The following RNF220 variants were observed in gnomAD, a reference collection of about 807,000 sequenced individuals.
RNF220 encodes the protein E3 ubiquitin-protein ligase RNF220.
Under a neutral mutation model 67.1 loss-of-function variants are expected in RNF220, and 7 were observed. That is an observed-to-expected ratio of 0.10 (90% CI 0.06 to 0.20). The LOEUF is 0.20. Ranked by LOEUF, RNF220 falls within the 10% of genes least tolerant of loss-of-function variation. RNF220 has a pLI of 1.00. For missense variants in RNF220, 565 were observed against 740.3 expected (o/e 0.76, Z 2.75); for synonymous variants, 270 against 283.2 (o/e 0.95, Z 0.47).
intron 1 of RNF220, among the ~76,000 whole-genome samples, chr1:44,408,173 G>C (rs115158920): frequency 1.3e-5 from 2 of 152,110 alleles, no homozygotes; most frequent in Admixed American, 6.5e-5. Flanking sequence ...TTCCCTAAAA[G>C]AGTTGATTTT....
chr1:44,539,788 A>G (rs1661534678), intron 2 of RNF220, among the ~76,000 whole-genome samples: 1 of 151,842 alleles, frequency 6.6e-6, no homozygotes. Context: ...TTCCCATCCT[A>G]CTCTTTGCTT....
intron 2 of RNF220, among the ~76,000 whole-genome samples, chr1:44,454,845 G>C (rs1465955035): frequency 6.6e-6 from 1 of 151,930 alleles, no homozygotes; most frequent in African/African-American, 2.4e-5. Flanking sequence ...CTTCTCTCCT[G>C]GCATCTTGTT....
chr1:44,627,129 G>A (rs1331233547), intron 5 of RNF220: 2 of 147,730 alleles, frequency 1.4e-5, no homozygotes, highest in Non-Finnish European at 3.0e-5. Flanking sequence ...GGCGGATCAC[G>A]AGGTCAGCAA....
chr1:44,471,779 G>A (rs11211005), intron 2 of RNF220, among the ~76,000 whole-genome samples: 32,547 of 151,902 alleles, frequency 0.21, 3,897 homozygotes, highest in East Asian at 0.49. Flanking sequence ...AGCCGAGATC[G>A]CACCATTGCA....
intron 12 of RNF220, among the ~76,000 whole-genome samples, chr1:44,647,918 T>G (rs1286761309): frequency 6.6e-6 from 1 of 152,226 alleles, no homozygotes; most frequent in African/African-American, 2.4e-5. Context: ...GAGCTGTTCG[T>G]ACCCCCACTC....
intron 2 of RNF220, among the ~76,000 whole-genome samples, chr1:44,551,772 T>C (rs1662658651): frequency 6.6e-6 from 1 of 152,186 alleles, no homozygotes; most frequent in Non-Finnish European, 1.5e-5. Context: ...AGGTTATACA[T>C]CCTAAGACTG....
chr1:44,556,559 C>T (rs981266335), intron 2 of RNF220, among the ~76,000 whole-genome samples: 2 of 146,512 alleles, frequency 1.4e-5, no homozygotes, highest in Non-Finnish European at 2.9e-5. Flanking sequence ...CCTGTCTGCT[C>T]TTCCTGTTCT....
intron 2 of RNF220, among the ~76,000 whole-genome samples, chr1:44,523,087 A>G (rs1177297333): frequency 6.6e-6 from 1 of 152,222 alleles, no homozygotes; most frequent in Non-Finnish European, 1.5e-5. Flanking sequence ...TCTAGAAAGC[A>G]TCTGTAAGAG....
chr1:44,556,571 T>A (rs1411219517), intron 2 of RNF220, among the ~76,000 whole-genome samples: 1 of 145,272 alleles, frequency 6.9e-6, no homozygotes, highest in Non-Finnish European at 1.5e-5. Flanking sequence ...TCCTGTTCTT[T>A]TTTTTTTTGA....
intron 2 of RNF220, among the ~76,000 whole-genome samples, chr1:44,501,287 C>T (rs968108191): frequency 3.3e-5 from 5 of 151,666 alleles, no homozygotes; most frequent in Admixed American, 6.6e-5. Flanking sequence ...GGTGCAGAGG[C>T]CCTGGAAAGT....
chr1:44,500,419 A>G (rs1657731285), intron 2 of RNF220, among the ~76,000 whole-genome samples: 1 of 150,438 alleles, frequency 6.6e-6, no homozygotes, highest in South Asian at 2.2e-4. Context: ...CATACTCCCC[A>G]CCTGGCACTC....
intron 2 of RNF220, among the ~76,000 whole-genome samples, chr1:44,421,804 T>G (rs1649254368): frequency 6.6e-6 from 1 of 151,608 alleles, no homozygotes; most frequent in South Asian, 2.1e-4. Context: ...GTGGGAGAGG[T>G]GGGGAGTAGG....
chr1:44,484,174 C>T (rs1043557161), intron 2 of RNF220, among the ~76,000 whole-genome samples: 1 of 152,014 alleles, frequency 6.6e-6, no homozygotes, highest in East Asian at 1.9e-4. Context: ...AGTCACATAG[C>T]GGTGCCTTTG....
chr1:44,517,518 T>C (rs928881611), intron 2 of RNF220, among the ~76,000 whole-genome samples: 3 of 152,250 alleles, frequency 2.0e-5, no homozygotes, highest in Middle Eastern at 3.2e-3. Flanking sequence ...GACTTTTCTA[T>C]TTCTTATCTA....
At chr1:44,503,667 G>A (rs1462507240) in intron 2 of RNF220, among the ~76,000 whole-genome samples, 1 of 152,166 alleles carries the variant, frequency 6.6e-6, no homozygotes, top group East Asian at 1.9e-4. Flanking sequence ...CCCTTTCAAG[G>A]CCAGATCTGA....
intron 2 of RNF220, among the ~76,000 whole-genome samples, chr1:44,572,583 A>G (rs1249383161): frequency 6.6e-6 from 1 of 152,152 alleles, no homozygotes; most frequent in Non-Finnish European, 1.5e-5. Flanking sequence ...CTCTCTGTAC[A>G]TTGCAATATC....
chr1:44,616,756 G>A (rs1358303797), intron 3 of RNF220, among the ~76,000 whole-genome samples: 1 of 152,150 alleles, frequency 6.6e-6, no homozygotes, highest in Non-Finnish European at 1.5e-5. Flanking sequence ...AATAGAGGTA[G>A]AGGCTAGAGG....
intron 8 of RNF220, among the ~76,000 whole-genome samples, chr1:44,641,045 AT>A (rs200916075): frequency 8.0e-5 from 12 of 150,300 alleles, no homozygotes; most frequent in South Asian, 2.1e-4. Context: ...ATTAACACTG[AT>A]TTTTTTTTTC....
chr1:44,421,141 C>A (rs981116039), intron 2 of RNF220, among the ~76,000 whole-genome samples: 2 of 152,072 alleles, frequency 1.3e-5, no homozygotes, highest in African/African-American at 2.4e-5. Flanking sequence ...TATTTAGAAG[C>A]AAGGTAATAG....
Sources: allele counts gnomAD v4.1 joint callset (sites outside exome capture counted in the v4.1 genomes callset), GRCh38; gene constraint gnomAD v4.1.1; transcripts MANE v1.5; gene names NCBI Gene and HGNC (gene_info 2026-07-23, HGNC 2026-07-21).